The following MTUS2 variants were observed in gnomAD, a reference collection of about 807,000 sequenced individuals.
MTUS2 encodes microtubule associated scaffold protein 2, also known as microtubule-associated tumor suppressor candidate 2.
Under a neutral mutation model 114.1 loss-of-function variants are expected in MTUS2, and 40 were observed. The observed-to-expected ratio is 0.35, with a 90% CI of 0.27 to 0.46. The LOEUF is 0.46. MTUS2 is among the 20% of genes least tolerant of loss of function. The pLI is 1.00. For missense variants in MTUS2, 1,679 were observed against 1,705.4 expected, an observed-to-expected ratio of 0.98 and a Z score of 0.27; for synonymous variants, 688 against 672.0, an observed-to-expected ratio of 1.02 and a Z score of -0.37.
intron 12 of MTUS2, among the ~76,000 whole-genome samples, chr13:29,494,759 C>T (rs904373551): frequency 6.6e-6 from 1 of 152,114 alleles, no homozygotes; most frequent in Non-Finnish European, 1.5e-5. Context: ...TGGAAGTAGG[C>T]TGGGCACGGT....
intron 2 of MTUS2, among the ~76,000 whole-genome samples, chr13:28,963,062 G>T (rs1393546991): frequency 6.6e-6 from 1 of 152,108 alleles, no homozygotes; most frequent in Non-Finnish European, 1.5e-5. Context: ...TTGAAATAGA[G>T]TATCTGCAGC....
intron 4 of MTUS2, among the ~76,000 whole-genome samples, chr13:29,088,416 A>G (rs578065901): frequency 3.9e-5 from 6 of 152,248 alleles, no homozygotes; most frequent in Non-Finnish European, 7.4e-5. Context: ...ATCTTAGAGT[A>G]TGTGCCATGT....
intron 11 of MTUS2, among the ~76,000 whole-genome samples, chr13:29,492,044 T>C (rs1882175877): frequency 6.8e-6 from 1 of 146,476 alleles, no homozygotes; most frequent in Admixed American, 6.8e-5. Context: ...TGTGTGTGTA[T>C]GTGATGTGTG....
At chr13:28,900,896 A>G (rs1879608306) in intron 2 of MTUS2, among the ~76,000 whole-genome samples, 1 of 152,210 alleles carries the variant, frequency 6.6e-6, no homozygotes, top group Non-Finnish European at 1.5e-5. Flanking sequence ...TCTCTGGAGT[A>G]AATGCCTAAG....
chr13:28,835,717 T>C (rs1271725928), intron 1 of MTUS2, among the ~76,000 whole-genome samples: 1 of 152,212 alleles, frequency 6.6e-6, no homozygotes, highest in Non-Finnish European at 1.5e-5. Flanking sequence ...AGAGTTTTAG[T>C]TCCCCCCAAG....
At chr13:29,270,449 A>G (rs2139500527) in intron 5 of MTUS2, among the ~76,000 whole-genome samples, 1 of 152,288 alleles carries the variant, frequency 6.6e-6, no homozygotes, top group South Asian at 2.1e-4. Flanking sequence ...GTCAGAGCCA[A>G]GCACAGTTTA....
At chr13:29,042,792 T>A (rs1887431833) in intron 4 of MTUS2, among the ~76,000 whole-genome samples, 1 of 152,180 alleles carries the variant, frequency 6.6e-6, no homozygotes, top group African/African-American at 2.4e-5. Flanking sequence ...CTTTTGTATT[T>A]CTGTGGTAGC....
At chr13:29,211,914 A>G (rs1275749195) in intron 5 of MTUS2, among the ~76,000 whole-genome samples, 1 of 152,064 alleles carries the variant, frequency 6.6e-6, no homozygotes, top group African/African-American at 2.4e-5. Context: ...TGTCTCCACA[A>G]GCTGCTCTGT....
At chr13:28,842,259 G>A (rs1409530935) in intron 2 of MTUS2, among the ~76,000 whole-genome samples, 4 of 152,020 alleles carry the variant, frequency 2.6e-5, no homozygotes, top group African/African-American at 9.7e-5. Flanking sequence ...AGGGAAACCA[G>A]ATAAAGAAGA....
chr13:29,184,716 T>C (rs985946802), intron 5 of MTUS2, among the ~76,000 whole-genome samples: 7 of 152,186 alleles, frequency 4.6e-5, no homozygotes, highest in Non-Finnish European at 1.0e-4. Context: ...ATATAGACTT[T>C]ACAGAGTTAA....
intron 2 of MTUS2, among the ~76,000 whole-genome samples, chr13:28,858,436 C>T (rs1330363163): frequency 6.6e-6 from 1 of 152,164 alleles, no homozygotes; most frequent in Admixed American, 6.5e-5. Context: ...TATCTCTACT[C>T]TGTCCCTGGC....
chr13:29,297,669 A>G (rs1016882563), intron 6 of MTUS2, among the ~76,000 whole-genome samples: 1 of 152,200 alleles, frequency 6.6e-6, no homozygotes, highest in African/African-American at 2.4e-5. Context: ...ACTCCCCTAC[A>G]GTAATTCTGA....
At chr13:29,131,170 G>C (rs968383922) in intron 5 of MTUS2, among the ~76,000 whole-genome samples, 4 of 152,234 alleles carry the variant, frequency 2.6e-5, no homozygotes, top group Non-Finnish European at 4.4e-5. Flanking sequence ...GAAGCATCAT[G>C]ATGTTTTAAA....
intron 4 of MTUS2, among the ~76,000 whole-genome samples, chr13:29,054,236 C>G (rs1230520490): frequency 2.6e-5 from 4 of 152,014 alleles, no homozygotes; most frequent in Non-Finnish European, 4.4e-5. Flanking sequence ...GTGTTCAAAT[C>G]CTTTGATCAT....
intron 5 of MTUS2, among the ~76,000 whole-genome samples, chr13:29,200,656 A>T (rs1329582675): frequency 6.6e-6 from 1 of 150,844 alleles, no homozygotes; most frequent in Non-Finnish European, 1.5e-5. Flanking sequence ...AAGTAGTGGG[A>T]ATTACAGGCA....
chr13:28,845,885 G>A (rs1471930114), intron 2 of MTUS2, among the ~76,000 whole-genome samples: 2 of 151,800 alleles, frequency 1.3e-5, no homozygotes, highest in Admixed American at 6.6e-5. Context: ...TACATGAAAT[G>A]AGAAGGGAGA....
At chr13:29,241,563 G>A (rs1896735301) in intron 5 of MTUS2, among the ~76,000 whole-genome samples, 1 of 152,056 alleles carries the variant, frequency 6.6e-6, no homozygotes, top group Non-Finnish European at 1.5e-5. Flanking sequence ...TGACATTTCA[G>A]TCTCTCTTCA....
At chr13:29,077,691 A>G (rs1889256456) in intron 4 of MTUS2, among the ~76,000 whole-genome samples, 1 of 152,198 alleles carries the variant, frequency 6.6e-6, no homozygotes, top group Non-Finnish European at 1.5e-5. Flanking sequence ...ATTTTCCAGA[A>G]CACCTTGTGA....
upstream of MTUS2, among the ~76,000 whole-genome samples, chr13:28,820,180 C>G (rs867984369): frequency 2.7e-5 from 4 of 146,722 alleles, no homozygotes; most frequent in African/African-American, 9.8e-5. Context: ...GCAGCCGCGG[C>G]CGCGGCGGAG....
Sources: gnomAD v4.1 joint callset for allele counts (sites outside exome capture counted in the v4.1 genomes callset) on GRCh38, gnomAD v4.1.1 for gene constraint, MANE v1.5 for transcripts, NCBI Gene and HGNC (gene_info 2026-07-23, HGNC 2026-07-21) for gene names.